The following TMEM231 variants were observed in gnomAD, a reference collection of about 807,000 sequenced individuals.
The protein encoded by TMEM231 is transmembrane protein 231.
A neutral mutation model predicts 38.5 loss-of-function variants in TMEM231; 40 were observed. The observed-to-expected ratio is 1.04, with a 90% CI of 0.81 to 1.35. The LOEUF (loss-of-function observed/expected upper bound fraction) is 1.35. TMEM231 is among the 40% of genes most tolerant of loss of function. TMEM231 has a pLI of 0.00. For synonymous variants in TMEM231, 199 were observed against 181.7 expected (o/e 1.10, Z -0.77); for missense variants, 420 against 416.9 (o/e 1.01, Z -0.07).
In TMEM231 at chr16:75,540,120, G is replaced by A. The variant is rs1473066236; in HGVS notation, c.825C>T (p.Ser275=). Reference sequence around the variant, plus strand: ...ACACCCAGAGGAAGATAAGCAGGATGCTGACATACTGCACCCAGGCGAACT... The same window carrying A: ...ACACCCAGAGGAAGATAAGCAGGATACTGACATACTGCACCCAGGCGAACT... The part of the protein sequence containing the change: ...MVKFAWVQYV[S]ILLIFLWVFE... Residue 275 remains serine (S), a synonymous_variant, in exon 7 of 7, where the codon AGC becomes AGT. Coordinates refer to ENST00000258173, the MANE Select transcript of TMEM231 (RefSeq NM_001077418.3). The A allele has an allele frequency of 6.2e-7, 1 of 1,613,886 alleles. No homozygotes were observed. Among genetic ancestry groups the A allele is most frequent in the East Asian group, 2.2e-5 (1 of 44,886 alleles).
At chr16:75,547,613 T>C (rs2080709164) in intron 2 of TMEM231, among the ~76,000 whole-genome samples, 1 of 151,974 alleles carries the variant, frequency 6.6e-6, no homozygotes, top group Admixed American at 6.6e-5. Flanking sequence ...ACCCCGTCTC[T>C]ACTAAAAATA....
At chr16:75,541,555 A>G in intron 5 of TMEM231, 100 bp from the exon 6 acceptor site, 1 of 623,094 alleles carries the variant, frequency 1.6e-6, no homozygotes, top group South Asian at 3.4e-5. Flanking sequence ...CCTGTGCTTC[A>G]GAACTGAAAG....
intron 5 of TMEM231, chr16:75,541,854 G>T (rs1002219148): frequency 6.5e-6 from 1 of 154,502 alleles, no homozygotes; most frequent in Non-Finnish European, 1.4e-5. Flanking sequence ...TCTGCAGAAG[G>T]CTAAAGAATG....
At chr16:75,549,761 T>C (rs992198467) in intron 2 of TMEM231, among the ~76,000 whole-genome samples, 40 of 152,084 alleles carry the variant, frequency 2.6e-4, no homozygotes, top group African/African-American at 9.6e-4. Flanking sequence ...CAGGCTGGAG[T>C]GCAGTGGCAC....
chr16:75,552,448 G>C (rs1363088408), intron 2 of TMEM231, among the ~76,000 whole-genome samples: 1 of 151,818 alleles, frequency 6.6e-6, no homozygotes, highest in East Asian at 1.9e-4. Flanking sequence ...GTGAGACCCT[G>C]TCTCAAAACA....
At chr16:75,555,628 CAGA>C (rs2080801296) in intron 2 of TMEM231, 173 bp downstream of exon 2, 2 of 588,208 alleles carry the variant, frequency 3.4e-6, no homozygotes, top group Admixed American at 3.9e-5. Context: ...CAGAATGAAA[CAGA>C]AGATCGATTC....
chr16:75,556,072 G>A lies in TMEM231; in HGVS notation c.138C>T (p.His46=). ...IPPLLVAFRS[H]GFWLKRSSYE... ...GCACAGCGGCCGGGGCAGGCTCACC[G>A]TGGCTCCGGAAGGCCACCAGCAGCG... The change falls in exon 1 of 7, where the codon CAC becomes CAT. Residue 46 remains histidine (H), a splice_region_variant and synonymous_variant. Coordinates refer to ENST00000258173, the MANE Select transcript of TMEM231 (RefSeq NM_001077418.3). 1 of 1,566,562 alleles carries A rather than the reference G, an allele frequency of 6.4e-7. No individual in the cohort carries two copies. Among genetic ancestry groups the A allele is most frequent in the Non-Finnish European group, 8.6e-7 (1 of 1,156,634 alleles).
At chr16:75,555,623 T>C (rs1261131735) in intron 2 of TMEM231, 181 bp downstream of exon 2, 2 of 574,298 alleles carry the variant, frequency 3.5e-6, no homozygotes, top group Non-Finnish European at 5.7e-6. Flanking sequence ...AGAAGCAGAA[T>C]GAAACAGAAG....
rs1472921341 is a variant in TMEM231, at chr16:75,541,399, C to A, written c.721G>T (p.Ala241Ser). 6.2e-7 allele frequency: 1 copy of A among 1,612,008 alleles called. No homozygotes were observed. Among genetic ancestry groups the A allele is most frequent in the African/African-American group, 1.3e-5 (1 of 74,924 alleles). Residue 241 changes from alanine to serine, a missense_variant, in exon 6 of 7, where the codon GCT becomes TCT. Transcript: ENST00000258173. ...PIWLVGRAADAPFVINAIIRY... is the reference protein window; with the variant it reads ...PIWLVGRAADSPFVINAIIRY... ...ATGATAGCATTAATCACAAATGGAG[C>A]ATCTGCGGCCCTGCCCACCAGCCAG... is the stretch of plus-strand genomic sequence containing the variant.
chr16:75,544,131 T>C (rs1396874768), intron 4 of TMEM231, among the ~76,000 whole-genome samples: 1 of 152,236 alleles, frequency 6.6e-6, no homozygotes, highest in Non-Finnish European at 1.5e-5. Context: ...TAAACAAGTA[T>C]CTCTGTGAGC....
At chr16:75,546,339 T>C (rs1476283943) in intron 2 of TMEM231, among the ~76,000 whole-genome samples, 1 of 152,248 alleles carries the variant, frequency 6.6e-6, no homozygotes, top group African/African-American at 2.4e-5. Flanking sequence ...AATAGTCTTC[T>C]ATGTCTCTAG....
intron 2 of TMEM231, 151 bp from the exon 3 acceptor site, chr16:75,546,105 G>A (rs2080687493): frequency 6.5e-6 from 10 of 1,541,372 alleles, no homozygotes; most frequent in Non-Finnish European, 8.8e-6. Context: ...ATAGATGTAA[G>A]TGCATTAATA....
chr16:75,545,142 G>T (rs2080671612), intron 4 of TMEM231, among the ~76,000 whole-genome samples: 1 of 151,344 alleles, frequency 6.6e-6, no homozygotes, highest in South Asian at 2.1e-4. Context: ...TTTTAGTAGA[G>T]ACAGGGTTTC....
rs1197999040 is a variant in TMEM231 at position 75,556,192 on chromosome 16, G to A, written c.18C>T (p.Leu6=). The change falls in exon 1 of 7, where the codon CTC becomes CTT. Residue 6 remains leucine, a synonymous_variant. Coordinates refer to ENST00000258173, the MANE Select transcript of TMEM231 (RefSeq NM_001077418.3). MALYE[L]FSHPVERSYR... ...AACTGCGCTCGACCGGGTGAGAGAA[G>A]AGCTCATAGAGCGCCATGAGCACCG... 2 of 1,484,232 alleles carry A rather than the reference G, an allele frequency of 1.3e-6. No homozygotes were observed. Among genetic ancestry groups the A allele is most frequent in the African/African-American group, 1.4e-5 (1 of 70,024 alleles). 91.9% of individuals were successfully genotyped at this position (1,484,232 alleles called of 1,614,324 possible).
chr16:75,547,605 C>G (rs538753567), intron 2 of TMEM231, among the ~76,000 whole-genome samples: 1 of 151,926 alleles, frequency 6.6e-6, no homozygotes, highest in Non-Finnish European at 1.5e-5. Context: ...ATGGTGAAAC[C>G]CCGTCTCTAC....
chr16:75,556,277 C>G (rs922844564), upstream of TMEM231: 2 of 1,384,800 alleles, frequency 1.4e-6, no homozygotes, highest in Non-Finnish European at 1.9e-6. Flanking sequence ...GCCATCGCCT[C>G]GGTCTCCACG....
intron 2 of TMEM231, among the ~76,000 whole-genome samples, chr16:75,554,314 C>G (rs2080789274): frequency 6.6e-6 from 1 of 151,974 alleles, no homozygotes; most frequent in African/African-American, 2.4e-5. Flanking sequence ...CCTATGATCC[C>G]AGCAGTTTGG....
At chr16:75,553,053 G>C (rs1243414590) in intron 2 of TMEM231, among the ~76,000 whole-genome samples, 1 of 152,148 alleles carries the variant, frequency 6.6e-6, no homozygotes, top group African/African-American at 2.4e-5. Flanking sequence ...GCTTAGAGAC[G>C]CTGTCCAGGA....
chr16:75,544,949 CTTTT>C (rs71134720), intron 4 of TMEM231, among the ~76,000 whole-genome samples: 157 of 89,600 alleles, frequency 1.8e-3, no homozygotes, highest in African/African-American at 5.7e-3. Context: ...TTTTCTTTTT[CTTTT>C]TTTTTTTTTT....
Sources: allele counts gnomAD v4.1 joint callset (sites outside exome capture counted in the v4.1 genomes callset), GRCh38; gene constraint gnomAD v4.1.1; transcripts MANE v1.5; gene names NCBI Gene and HGNC (gene_info 2026-07-23, HGNC 2026-07-21).